TTC29: variants seen among roughly 807,000 people sequenced by gnomAD.
TTC29 encodes tetratricopeptide repeat domain 29, also known as tetratricopeptide repeat protein 29.
Under a neutral mutation model 58.1 loss-of-function variants are expected in TTC29, and 49 were observed. The observed-to-expected ratio is 0.84, with a 90% CI of 0.67 to 1.07. The LOEUF (loss-of-function observed/expected upper bound fraction) is 1.07, where lower values mean the gene tolerates loss of function less well. Ranked by LOEUF, TTC29 falls within the 50% of genes least tolerant of loss-of-function variation. TTC29 has a pLI of 0.00. For missense variants in TTC29, 582 were observed against 555.6 expected, an observed-to-expected ratio of 1.05 and a Z score of -0.48; for synonymous variants, 209 against 196.8, an observed-to-expected ratio of 1.06 and a Z score of -0.52.
chr4:146,852,916 T>C (rs1579831383), intron 8 of TTC29, among the ~76,000 whole-genome samples: 2 of 152,330 alleles, frequency 1.3e-5, no homozygotes, highest in South Asian at 4.1e-4. Flanking sequence ...TATGATTATT[T>C]TTTACTTTAT....
intron 11 of TTC29, among the ~76,000 whole-genome samples, chr4:146,798,756 G>A (rs756887006): frequency 2.2e-4 from 33 of 151,384 alleles, no homozygotes; most frequent in East Asian, 7.8e-4. Context: ...GTATTGGGGC[G>A]GGCACCTGTA....
At chr4:146,751,054 G>A (rs944426907) in intron 11 of TTC29, among the ~76,000 whole-genome samples, 2 of 152,224 alleles carry the variant, frequency 1.3e-5, no homozygotes, top group East Asian at 3.9e-4. Flanking sequence ...AAAAAGAGCA[G>A]GAGTGACTAC....
At chr4:146,889,165 G>A (rs1732188247) in intron 6 of TTC29, among the ~76,000 whole-genome samples, 1 of 151,730 alleles carries the variant, frequency 6.6e-6, no homozygotes, top group African/African-American at 2.4e-5. Context: ...ATCCCTTACT[G>A]CCTAAAGACC....
intron 6 of TTC29, among the ~76,000 whole-genome samples, chr4:146,882,840 CA>C (rs1731725540): frequency 6.6e-6 from 1 of 151,532 alleles, no homozygotes; most frequent in Admixed American, 6.6e-5. Flanking sequence ...CGACAAAACC[CA>C]AAAAACTGAA....
chr4:146,821,301 G>A (rs928755366), intron 9 of TTC29, among the ~76,000 whole-genome samples: 1 of 152,128 alleles, frequency 6.6e-6, no homozygotes, highest in Non-Finnish European at 1.5e-5. Context: ...AACCCCATGA[G>A]TACACTAAAA....
At chr4:146,890,468 G>C (rs1732276041) in intron 6 of TTC29, among the ~76,000 whole-genome samples, 1 of 152,092 alleles carries the variant, frequency 6.6e-6, no homozygotes, top group South Asian at 2.1e-4. Flanking sequence ...AGGTAGAAAG[G>C]CCCACCCCAC....
intron 11 of TTC29, among the ~76,000 whole-genome samples, chr4:146,801,978 C>CAAAA (rs57486017): frequency 0.042 from 1,625 of 38,748 alleles, 185 homozygotes; most frequent in Middle Eastern, 0.079. Flanking sequence ...GACTCTGTCT[C>CAAAA]AAAAAAAAAA....
At chr4:146,943,780 T>C (rs879698305) in intron 2 of TTC29, among the ~76,000 whole-genome samples, 5 of 152,230 alleles carry the variant, frequency 3.3e-5, no homozygotes, top group Non-Finnish European at 5.9e-5. Context: ...AGTACTTCCA[T>C]TAAATTAAAT....
chr4:146,752,411 C>T (rs992530024), intron 11 of TTC29, among the ~76,000 whole-genome samples: 5 of 146,740 alleles, frequency 3.4e-5, no homozygotes, highest in African/African-American at 1.3e-4. Flanking sequence ...AGGATACAAA[C>T]AAATGGAAGA....
intron 11 of TTC29, among the ~76,000 whole-genome samples, chr4:146,801,368 T>C (rs1417530028): frequency 6.6e-6 from 1 of 152,216 alleles, no homozygotes; most frequent in Non-Finnish European, 1.5e-5. Flanking sequence ...ATGCCAGTAG[T>C]ATGAGAATTA....
chr4:146,755,031 G>A (rs991201397), intron 11 of TTC29, among the ~76,000 whole-genome samples: 1 of 151,948 alleles, frequency 6.6e-6, no homozygotes, highest in African/African-American at 2.4e-5. Flanking sequence ...CCAATAAATA[G>A]AATCAGTAAA....
intron 4 of TTC29, among the ~76,000 whole-genome samples, chr4:146,921,631 G>A (rs1342537493): frequency 1.3e-5 from 2 of 150,706 alleles, no homozygotes; most frequent in Non-Finnish European, 3.0e-5. Context: ...TATAGCAGGT[G>A]GGAAACAATG....
intron 2 of TTC29, among the ~76,000 whole-genome samples, chr4:146,940,931 G>A (rs1473916136): frequency 1.3e-5 from 2 of 152,192 alleles, no homozygotes; most frequent in Admixed American, 6.5e-5. Flanking sequence ...CTATTGATAG[G>A]AGAGTGTCAA....
chr4:146,911,674 AC>A (rs1733906929), intron 4 of TTC29, among the ~76,000 whole-genome samples: 1 of 152,156 alleles, frequency 6.6e-6, no homozygotes, highest in African/African-American at 2.4e-5. Flanking sequence ...CTGGTCCCTT[AC>A]TGGTTGCTAC....
At chr4:146,895,914 A>C (rs1191278206) in intron 6 of TTC29, among the ~76,000 whole-genome samples, 3 of 152,110 alleles carry the variant, frequency 2.0e-5, no homozygotes, top group South Asian at 2.1e-4. Context: ...TAGTGTATTT[A>C]TAAAAGTTTC....
Position 146,728,794 on chromosome 4 carries a change from C to CATATATATACACATATATAT in TTC29, c.1331-21244_1331-21243insATATATATGTGTATATATAT, listed in dbSNP as rs1450598794. ...ATACACATATATATGTGTATATATA[C>CATATATATACACATATATAT]GTATATATACACATATATATGTGTA... On this transcript the variant is annotated intron_variant, in intron 11 of 12. Transcript: ENST00000325106. Among the ~76,000 whole-genome samples the CATATATATACACATATATAT allele has an allele frequency of 3.2e-3, 381 of 119,812 alleles. 13 individuals carry two copies. The highest frequency in any genetic ancestry group is 4.0e-3 in the African/African-American group (123 of 30,772). 78.6% of individuals were successfully genotyped at this position (119,812 alleles called of 152,430 possible).
intron 6 of TTC29, among the ~76,000 whole-genome samples, chr4:146,897,617 AT>A (rs2150260236): frequency 6.6e-6 from 1 of 152,290 alleles, no homozygotes; most frequent in East Asian, 1.9e-4. Context: ...GCCATGTCAT[AT>A]TGCTATTGCG....
intron 5 of TTC29, among the ~76,000 whole-genome samples, chr4:146,907,746 C>T (rs1392883944): frequency 1.3e-5 from 2 of 152,098 alleles, no homozygotes; most frequent in Non-Finnish European, 1.5e-5. Flanking sequence ...GTGATCCACC[C>T]GCCTTGGCCT....
chr4:146,781,142 G>C (rs961634067), intron 11 of TTC29, among the ~76,000 whole-genome samples: 3 of 151,784 alleles, frequency 2.0e-5, no homozygotes, highest in Non-Finnish European at 4.4e-5. Flanking sequence ...TTTGAAATAA[G>C]TATATATTCA....
Sources: allele counts gnomAD v4.1 joint callset (sites outside exome capture counted in the v4.1 genomes callset), GRCh38; gene constraint gnomAD v4.1.1; transcripts MANE v1.5; gene names NCBI Gene and HGNC (gene_info 2026-07-23, HGNC 2026-07-21).